SLC13A3: variants seen among roughly 807,000 people sequenced by gnomAD.
SLC13A3 encodes Na(+)/dicarboxylate cotransporter 3.
In SLC13A3, 40 loss-of-function variants were observed where a neutral mutation model predicts 59.0. That is an observed-to-expected ratio of 0.68 (90% CI 0.53 to 0.88). The LOEUF (loss-of-function observed/expected upper bound fraction) is 0.88, where lower values mean the gene tolerates loss of function less well. SLC13A3 is among the 40% of genes least tolerant of loss of function. The pLI, the probability that SLC13A3 is intolerant of heterozygous loss-of-function variation, is 0.00. For missense variants in SLC13A3, 699 were observed against 783.2 expected (o/e 0.89, Z 1.28); for synonymous variants, 317 against 330.3 (o/e 0.96, Z 0.44).
At chr20:46,590,165 T>C (rs1001733592) in intron 6 of SLC13A3, among the ~76,000 whole-genome samples, 2 of 152,134 alleles carry the variant, frequency 1.3e-5, no homozygotes, top group Non-Finnish European at 2.9e-5. Flanking sequence ...AATCCAAACT[T>C]CACACTGTAC....
At chr20:46,651,000 C>T (rs1304456269) in intron 1 of SLC13A3, among the ~76,000 whole-genome samples, 1 of 152,134 alleles carries the variant, frequency 6.6e-6, no homozygotes, top group Admixed American at 6.5e-5. Context: ...CTGCAGTGAG[C>T]TATGATCACA....
chr20:46,598,741 A>C (rs1275653251), intron 4 of SLC13A3, among the ~76,000 whole-genome samples: 1 of 152,062 alleles, frequency 6.6e-6, no homozygotes, highest in Non-Finnish European at 1.5e-5. Context: ...ATTCAAAATC[A>C]AGGTTATATC....
chr20:46,667,093 C>T lies in SLC13A3; in HGVS notation c.-31+2950G>A, dbSNP rs192923516. On this transcript the variant is annotated intron_variant, in intron 1 of 12. Transcript: ENST00000290317. ...ACACCGAGGGCAAGTTATTTCCCAA[C>T]GGACCCATTCCAAGCTATGATGAAA... Among the ~76,000 whole-genome samples the T allele has an allele frequency of 1.4e-3, 208 of 152,154 alleles. 3 individuals carry two copies. The highest frequency in any genetic ancestry group is 7.2e-4 in the Non-Finnish European group (49 of 67,990).
rs1364237266 is a variant in SLC13A3, at chr20:46,626,898, C to A, written c.112-13173G>T. Among the ~76,000 whole-genome samples, 4 of 133,400 alleles carry A rather than the reference C, an allele frequency of 3.0e-5. No individual in the cohort carries two copies. The East Asian group carries it at 8.2e-4, about 27-fold the overall frequency. 87.5% of individuals were successfully genotyped at this position (133,400 alleles called of 152,430 possible). On this transcript the variant is annotated intron_variant, in intron 1 of 12. Coordinates refer to ENST00000279027, the MANE Select transcript of SLC13A3 (RefSeq NM_022829.6). Reference sequence around the variant, plus strand: ...TGCCTGGCCCTCTTGACCCCACGCACCCCCTTCTATCTCTGGCTGGCTGGC... The same window carrying A: ...TGCCTGGCCCTCTTGACCCCACGCAACCCCTTCTATCTCTGGCTGGCTGGC...
At chr20:46,585,357 T>C (rs1329221200) in intron 8 of SLC13A3, 1 of 1,000,098 alleles carries the variant, frequency 1.0e-6, no homozygotes, top group East Asian at 1.1e-4. Flanking sequence ...CTTTTCCTTT[T>C]TCAATTCAGC....
intron 1 of SLC13A3, among the ~76,000 whole-genome samples, chr20:46,627,657 A>G (rs2062688929): frequency 6.6e-6 from 1 of 152,170 alleles, no homozygotes; most frequent in Non-Finnish European, 1.5e-5. Context: ...GTGGTATTCA[A>G]CCTATAGTCA....
At chr20:46,640,302 C>T (rs1043976356) in intron 1 of SLC13A3, among the ~76,000 whole-genome samples, 6 of 152,228 alleles carry the variant, frequency 3.9e-5, no homozygotes, top group Non-Finnish European at 7.4e-5. Flanking sequence ...TGGTAAGGTC[C>T]TGCAGGAGAG....
chr20:46,620,422 TAAAAAGGATAGTTCG>T, intron 1 of SLC13A3, among the ~76,000 whole-genome samples: 1 of 152,308 alleles, frequency 6.6e-6, no homozygotes. Flanking sequence ...TTTGAGGCAC[TAAAAAGGATAGTTCG>T]AAAACAGCCC....
chr20:46,595,986 A>C (rs2062307962), intron 5 of SLC13A3, among the ~76,000 whole-genome samples, 171 bp downstream of exon 5: 1 of 152,186 alleles, frequency 6.6e-6, no homozygotes, highest in South Asian at 2.1e-4. Flanking sequence ...CTCTCCCGCC[A>C]GAATGGAAGT....
intron 8 of SLC13A3, chr20:46,584,402 A>G: frequency 1.0e-6 from 1 of 985,470 alleles, no homozygotes; most frequent in Non-Finnish European, 1.2e-6. Context: ...GGTTAAATAA[A>G]TTGAAGTGCT....
At chr20:46,677,171 T>C (rs1600637473) in intron 1 of SLC13A3, among the ~76,000 whole-genome samples, 2 of 152,170 alleles carry the variant, frequency 1.3e-5, no homozygotes. Context: ...ACCTCGGCAT[T>C]CCAAAGTGCT....
intron 7 of SLC13A3, 107 bp from the exon 8 acceptor site, chr20:46,588,270 G>C: frequency 1.6e-6 from 1 of 624,368 alleles, no homozygotes; most frequent in Non-Finnish European, 2.8e-6. Context: ...CCCGGGCTCT[G>C]CCTCTGAGAA....
In SLC13A3 at chr20:46,559,636, A is replaced by G. The variant is rs1414649437; in HGVS notation, c.*386T>C. On this transcript the variant is annotated 3_prime_UTR_variant, in exon 13 of 13. Transcript: ENST00000279027. Reference sequence around the variant, plus strand: ...TGGTCTCTTCAGTGTAATCGAAAGTAATCACTGGGGGATAATGTTAGCTGT... The same window carrying G: ...TGGTCTCTTCAGTGTAATCGAAAGTGATCACTGGGGGATAATGTTAGCTGT... 5 of 170,730 alleles carry G rather than the reference A, an allele frequency of 2.9e-5. No homozygotes were observed. The highest frequency in any genetic ancestry group is 9.5e-5 in the African/African-American group (4 of 42,292). 10.6% of individuals were successfully genotyped at this position (170,730 alleles called of 1,614,324 possible). A position where few individuals can be genotyped will look rare whatever the true frequency, so the allele number is the denominator to read the frequency against.
chr20:46,559,881 T>C lies in SLC13A3; in HGVS notation c.*141A>G, dbSNP rs2042848609. 3 of 736,384 alleles carry C rather than the reference T, an allele frequency of 4.1e-6. No individual in the cohort carries two copies. The highest frequency in any genetic ancestry group is 6.6e-6 in the Non-Finnish European group (3 of 451,648). 45.6% of individuals were successfully genotyped at this position (736,384 alleles called of 1,614,324 possible). On this transcript the variant is annotated 3_prime_UTR_variant, in exon 13 of 13. Coordinates refer to ENST00000279027, the MANE Select transcript of SLC13A3 (RefSeq NM_022829.6). ...CTAGATAATGGCTCATGGACTTGAG[T>C]GGGCCACTGGAGGTCACCCTTGCTT...
intron 1 of SLC13A3, among the ~76,000 whole-genome samples, chr20:46,666,344 G>T (rs1178295757): frequency 6.6e-6 from 1 of 152,158 alleles, no homozygotes; most frequent in Non-Finnish European, 1.5e-5. Flanking sequence ...GACAGAAAAG[G>T]GTTTGGAGTC....
chr20:46,646,211 G>T (rs1193649375), intron 1 of SLC13A3, among the ~76,000 whole-genome samples: 2 of 152,156 alleles, frequency 1.3e-5, no homozygotes, highest in Non-Finnish European at 2.9e-5. Context: ...TCACTTCCTG[G>T]CCGCTCTCAC....
intron 9 of SLC13A3, among the ~76,000 whole-genome samples, chr20:46,578,358 AG>A (rs1160533199): frequency 6.6e-6 from 1 of 152,008 alleles, no homozygotes. Flanking sequence ...CTTATATTCC[AG>A]GGGGGAAGTC....
intron 1 of SLC13A3, among the ~76,000 whole-genome samples, chr20:46,644,611 T>A (rs1177649109): frequency 6.6e-6 from 1 of 152,242 alleles, no homozygotes; most frequent in Non-Finnish European, 1.5e-5. Flanking sequence ...CATTTCCATT[T>A]TTCAGCTGGG....
intron 3 of SLC13A3, among the ~76,000 whole-genome samples, chr20:46,601,750 C>T (rs1212223245): frequency 1.3e-5 from 2 of 152,092 alleles, no homozygotes; most frequent in African/African-American, 4.8e-5. Flanking sequence ...AGGGGATGAG[C>T]CAAGCAAACA....
Sources: allele counts gnomAD v4.1 joint callset (sites outside exome capture counted in the v4.1 genomes callset), GRCh38; gene constraint gnomAD v4.1.1; transcripts MANE v1.5; gene names NCBI Gene and HGNC (gene_info 2026-07-23, HGNC 2026-07-21).